Variants in MYRIP observed in about 807,000 individuals in gnomAD.
MYRIP encodes myosin VIIA and Rab interacting protein.
MYRIP carries 49 observed loss-of-function variants against 98.0 expected under a neutral mutation model. The ratio of observed to expected loss-of-function variants is 0.50; its 90% confidence interval spans 0.40 to 0.63. The LOEUF (loss-of-function observed/expected upper bound fraction) is 0.63, where lower values mean the gene tolerates loss of function less well. Among genes scored for constraint, MYRIP ranks in the 30% least tolerant of loss-of-function variants. MYRIP has a pLI of 0.00. For missense variants in MYRIP, 1,004 were observed against 1,058.2 expected (o/e 0.95, Z 0.71); for synonymous variants, 404 against 409.5 (o/e 0.99, Z 0.16).
chr3:40,067,581 C>T (rs1948148377), intron 3 of MYRIP, among the ~76,000 whole-genome samples: 1 of 152,022 alleles, frequency 6.6e-6, no homozygotes, highest in Non-Finnish European at 1.5e-5. Flanking sequence ...TCTGTGAGCA[C>T]AGAGGAGGGT....
intron 12 of MYRIP, among the ~76,000 whole-genome samples, chr3:40,238,898 TTTA>T (rs1952906272): frequency 6.6e-6 from 1 of 152,146 alleles, no homozygotes; most frequent in African/African-American, 2.4e-5. Context: ...TGGGTATTTT[TTTA>T]TTTTTATTTT....
chr3:40,195,692 TTATG>T (rs1351027223), intron 10 of MYRIP, among the ~76,000 whole-genome samples: 25 of 50,210 alleles, frequency 5.0e-4, no homozygotes, highest in African/African-American at 9.4e-4. Flanking sequence ...TTTTACTTGA[TTATG>T]GTTTTTTTTT....
rs546906653 is a variant in MYRIP, at chr3:40,055,664, T to C, written c.332+11393T>C. 1.6e-3 allele frequency among the ~76,000 whole-genome samples: 251 copies of C among 152,294 alleles called. 1 individual carries two copies. Among genetic ancestry groups the C allele is most frequent in the African/African-American group, 5.9e-3 (247 of 41,566 alleles). ...CATGAACAGGCCTTACAACAGATAA[T>C]CCCCATTGTAATCATTTTTCATCTG... On this transcript the variant is annotated intron_variant, in intron 3 of 16. Coordinates refer to ENST00000302541, the MANE Select transcript of MYRIP (RefSeq NM_015460.4).
chr3:40,100,376 A>G (rs1041666227), intron 3 of MYRIP: 6 of 720,820 alleles, frequency 8.3e-6, no homozygotes, highest in East Asian at 1.3e-4. Flanking sequence ...CAACAGAACT[A>G]TGTCAATTTT....
chr3:39,810,151 G>A (rs576949097), intron 1 of MYRIP, among the ~76,000 whole-genome samples: 2 of 152,312 alleles, frequency 1.3e-5, no homozygotes, highest in South Asian at 4.1e-4. Flanking sequence ...AGCCAGAATC[G>A]CCTCTTTCTC....
chr3:40,042,295 A>T (rs770688920), intron 2 of MYRIP, among the ~76,000 whole-genome samples: 5,519 of 150,456 alleles, frequency 0.037, 169 homozygotes, highest in East Asian at 0.17. Flanking sequence ...GGATAAAAAA[A>T]AAAAAAAAAA....
chr3:40,251,898 T>A lies in MYRIP; in HGVS notation c.2446T>A (p.Ser816Thr), dbSNP rs750232179. Residue 816 changes from serine to threonine, a missense_variant, in exon 16 of 17, where the codon TCT (serine) becomes ACT (threonine). Ser to Thr is a moderately conservative substitution (Grantham distance 58). Transcript: ENST00000302541. ...CCTTTTAGCTGAAAAAATTGAGACA[T>A]CTTCAGTGACTACCATTAAAACATT... ...PPVKAEKIETSSVTTIKTFNH... is the reference protein window; with the variant it reads ...PPVKAEKIETTSVTTIKTFNH... 26 of 1,611,990 alleles carry A rather than the reference T, an allele frequency of 1.6e-5. No homozygotes were observed. Among genetic ancestry groups the A allele is most frequent in the Non-Finnish European group, 2.2e-5 (26 of 1,178,210 alleles).
Position 40,162,725 on chromosome 3 carries a change from G to T in MYRIP, c.470-5G>T, listed in dbSNP as rs903262559. 1.5e-5 allele frequency: 25 copies of T among 1,613,600 alleles called. No individual in the cohort carries two copies. The highest frequency in any genetic ancestry group is 2.0e-5 in the Non-Finnish European group (24 of 1,179,678). On this transcript the variant is annotated splice_polypyrimidine_tract_variant and splice_region_variant and intron_variant, in intron 4 of 16. Coordinates refer to ENST00000302541, the MANE Select transcript of MYRIP (RefSeq NM_015460.4). ...CATTCTCTTCTCCCACCCCTACCCT[G>T]CCAGGAGGAAGCCTTTTTGAGTCAA... is the stretch of plus-strand genomic sequence containing the variant.
At chr3:40,240,223 T>A (rs199912710) in intron 12 of MYRIP, among the ~76,000 whole-genome samples, 19 of 152,090 alleles carry the variant, frequency 1.2e-4, no homozygotes, top group Admixed American at 6.5e-4. Flanking sequence ...GTTGTAGATA[T>A]GCGGCATTAT....
chr3:39,954,581 A>T (rs565935955), intron 2 of MYRIP, among the ~76,000 whole-genome samples: 1 of 152,314 alleles, frequency 6.6e-6, no homozygotes, highest in East Asian at 1.9e-4. Context: ...AGAGCAGAAA[A>T]GCTGAAAATT....
At chr3:40,153,757 G>A (rs1021695553) in intron 4 of MYRIP, among the ~76,000 whole-genome samples, 4 of 152,152 alleles carry the variant, frequency 2.6e-5, no homozygotes, top group Non-Finnish European at 5.9e-5. Context: ...CAGTGCACAA[G>A]GCATGTGCTA....
At chr3:39,868,330 G>A (rs76308071) in intron 1 of MYRIP, among the ~76,000 whole-genome samples, 159 of 152,276 alleles carry the variant, frequency 1.0e-3, no homozygotes, top group African/African-American at 3.5e-3. Context: ...TGGGGGTATT[G>A]AGGTCCCTAA....
At chr3:40,068,363 A>G (rs935446553) in intron 3 of MYRIP, among the ~76,000 whole-genome samples, 3 of 152,202 alleles carry the variant, frequency 2.0e-5, no homozygotes, top group Non-Finnish European at 4.4e-5. Flanking sequence ...GCTCTAGGTG[A>G]GTTAAATATT....
intron 1 of MYRIP, among the ~76,000 whole-genome samples, chr3:39,822,328 T>C (rs928729116): frequency 7.9e-5 from 12 of 152,372 alleles, no homozygotes; most frequent in Admixed American, 3.9e-4. Flanking sequence ...AATGTCATAC[T>C]TCTAGCTATT....
At chr3:40,169,561 G>A (rs1950567123) in intron 7 of MYRIP, among the ~76,000 whole-genome samples, 1 of 152,136 alleles carries the variant, frequency 6.6e-6, no homozygotes, top group Admixed American at 6.5e-5. Context: ...CACCATTTAT[G>A]AGCTGTGTAG....
intron 1 of MYRIP, among the ~76,000 whole-genome samples, chr3:39,880,529 C>T (rs1319485466): frequency 6.6e-6 from 1 of 152,210 alleles, no homozygotes; most frequent in Non-Finnish European, 1.5e-5. Flanking sequence ...GAAAACAATG[C>T]TGATGCTAAG....
intron 1 of MYRIP, among the ~76,000 whole-genome samples, chr3:39,868,440 T>C (rs1243917942): frequency 6.6e-6 from 1 of 152,184 alleles, no homozygotes; most frequent in Admixed American, 6.5e-5. Flanking sequence ...CTTGGCTCTG[T>C]TGGATAAGGG....
intron 4 of MYRIP, among the ~76,000 whole-genome samples, chr3:40,155,903 G>C (rs1430887080): frequency 6.6e-6 from 1 of 151,014 alleles, no homozygotes; most frequent in Non-Finnish European, 1.5e-5. Context: ...CCCTTTGTCA[G>C]ATGAGTAGGT....
chr3:39,982,038 C>A lies in MYRIP; in HGVS notation c.111-62012C>A, dbSNP rs1945909238. 3.9e-5 allele frequency among the ~76,000 whole-genome samples: 6 copies of A among 152,178 alleles called. No individual in the cohort carries two copies. In the South Asian group the frequency reaches 1.2e-3, roughly 32 times the overall value. On this transcript the variant is annotated intron_variant, in intron 2 of 16. Transcript: ENST00000302541. The stretch of plus-strand genomic sequence containing the variant: ...AGTAAACTGTAATATGCCTCAATTT[C>A]CTCAACTATAAATTAAGGACAAACC...
Sources: gnomAD v4.1 joint callset for allele counts (sites outside exome capture counted in the v4.1 genomes callset) on GRCh38, gnomAD v4.1.1 for gene constraint, MANE v1.5 for transcripts, NCBI Gene and HGNC (gene_info 2026-07-23, HGNC 2026-07-21) for gene names.